CHCHD3: variants seen among roughly 807,000 people sequenced by gnomAD.
CHCHD3 encodes coiled-coil-helix-coiled-coil-helix domain containing 3, also known as MICOS complex subunit MIC19.
A neutral mutation model predicts 38.2 loss-of-function variants in CHCHD3; 20 were observed. The ratio of observed to expected loss-of-function variants is 0.52; its 90% CI spans 0.37 to 0.76. The LOEUF is 0.76. Ranked by LOEUF, CHCHD3 falls within the 30% of genes least tolerant of loss-of-function variation. The probability of loss-of-function intolerance (pLI) is 0.00; values close to 1 mark genes in which losing one functional copy is unlikely to be tolerated. For missense variants in CHCHD3, 245 were observed against 279.2 expected, an observed-to-expected ratio of 0.88 and a Z score of 0.87; for synonymous variants, 82 against 100.0, an observed-to-expected ratio of 0.82 and a Z score of 1.07.
chr7:132,967,720 C>T (rs866569730), intron 4 of CHCHD3, among the ~76,000 whole-genome samples: 14 of 151,430 alleles, frequency 9.2e-5, no homozygotes, highest in Middle Eastern at 3.2e-3. Flanking sequence ...GTCCCAGCTA[C>T]TCAGGAGGTT....
chr7:132,883,487 C>T (rs553670654), intron 5 of CHCHD3, among the ~76,000 whole-genome samples: 1 of 152,182 alleles, frequency 6.6e-6, no homozygotes, highest in South Asian at 2.1e-4. Context: ...GAGTTCTGCC[C>T]ACTACAACGA....
intron 4 of CHCHD3, among the ~76,000 whole-genome samples, chr7:132,897,435 T>G (rs1314831913): frequency 6.6e-6 from 1 of 152,216 alleles, no homozygotes; most frequent in Admixed American, 6.5e-5. Flanking sequence ...CCTCTTTTCT[T>G]GCAATCTGTT....
intron 4 of CHCHD3, among the ~76,000 whole-genome samples, chr7:132,892,529 T>C (rs996507266): frequency 6.6e-6 from 1 of 152,232 alleles, no homozygotes; most frequent in Admixed American, 6.5e-5. Flanking sequence ...CTGCAAAGAT[T>C]TGTAAGATTA....
At chr7:133,049,572 C>T (rs1728051404) in intron 2 of CHCHD3, among the ~76,000 whole-genome samples, 2 of 152,218 alleles carry the variant, frequency 1.3e-5, no homozygotes. Context: ...TTGAGGGCAA[C>T]AAGCCTTACT....
intron 4 of CHCHD3, among the ~76,000 whole-genome samples, chr7:132,967,506 T>C (rs1284755644): frequency 6.6e-6 from 1 of 152,034 alleles, no homozygotes; most frequent in African/African-American, 2.4e-5. Flanking sequence ...CCTAGGTATT[T>C]CTGGCCGGGT....
chr7:132,904,099 A>AT (rs1226348964), intron 4 of CHCHD3, among the ~76,000 whole-genome samples: 1 of 151,992 alleles, frequency 6.6e-6, no homozygotes, highest in Non-Finnish European at 1.5e-5. Flanking sequence ...TCTACAAAAG[A>AT]TTTAAAAAAA....
At chr7:132,988,354 T>A (rs979161150) in intron 3 of CHCHD3, among the ~76,000 whole-genome samples, 2 of 151,896 alleles carry the variant, frequency 1.3e-5, no homozygotes, top group Non-Finnish European at 2.9e-5. Flanking sequence ...ATAAGTGGCA[T>A]GGGGGTAGAA....
intron 4 of CHCHD3, among the ~76,000 whole-genome samples, chr7:132,899,129 G>A (rs1257011124): frequency 1.3e-5 from 2 of 152,232 alleles, no homozygotes; most frequent in Admixed American, 1.3e-4. Context: ...CGCCGAGAGC[G>A]AGCGAGGGCT....
At chr7:132,823,236 C>T (rs1189157660) in intron 6 of CHCHD3, among the ~76,000 whole-genome samples, 1 of 151,936 alleles carries the variant, frequency 6.6e-6, no homozygotes, top group Non-Finnish European at 1.5e-5. Context: ...AGAAAAAAAT[C>T]TAATACATTA....
At chr7:133,008,545 C>T (rs886064350) in intron 3 of CHCHD3, among the ~76,000 whole-genome samples, 3 of 151,896 alleles carry the variant, frequency 2.0e-5, no homozygotes, top group African/African-American at 7.3e-5. Context: ...ACCTTCATAA[C>T]ATCTCAAAGT....
At chr7:132,793,620 C>T (rs1001390337) in intron 7 of CHCHD3, among the ~76,000 whole-genome samples, 2 of 152,120 alleles carry the variant, frequency 1.3e-5, no homozygotes, top group African/African-American at 4.8e-5. Context: ...ATTTTCCTAA[C>T]AGTAAAACCT....
chr7:133,025,401 C>G (rs1278771711), intron 2 of CHCHD3, among the ~76,000 whole-genome samples: 1 of 152,236 alleles, frequency 6.6e-6, no homozygotes, highest in Non-Finnish European at 1.5e-5. Flanking sequence ...ACTAACTCCT[C>G]TTCACTACAG....
chr7:132,857,973 G>A (rs1808384866), intron 5 of CHCHD3, among the ~76,000 whole-genome samples: 1 of 152,216 alleles, frequency 6.6e-6, no homozygotes, highest in Admixed American at 6.5e-5. Context: ...TCCACAAGAA[G>A]AACTGGCACA....
rs144352619 is a variant in CHCHD3 at position 132,918,362 on chromosome 7, C to T, written c.370-32617G>A. ...TAACCATCGGACCCTCCTCAATGGG[C>T]TGCTGGGAGAATTAAATAAGAGAGT... On this transcript the variant is annotated intron_variant, in intron 4 of 7. Coordinates refer to ENST00000262570, the MANE Select transcript of CHCHD3 (RefSeq NM_017812.4). Among the ~76,000 whole-genome samples, 10 of 152,254 alleles carry T rather than the reference C, an allele frequency of 6.6e-5. No individual in the cohort carries two copies. In the East Asian group the frequency reaches 1.9e-3, roughly 29 times the overall value.
At chr7:132,965,804 C>A (rs1214841239) in intron 4 of CHCHD3, among the ~76,000 whole-genome samples, 1 of 152,066 alleles carries the variant, frequency 6.6e-6, no homozygotes, top group East Asian at 1.9e-4. Flanking sequence ...ATATTAAAAA[C>A]AAATCTGGAA....
chr7:132,846,420 GA>G (rs1353334471), intron 5 of CHCHD3, among the ~76,000 whole-genome samples: 1 of 152,244 alleles, frequency 6.6e-6, no homozygotes, highest in Non-Finnish European at 1.5e-5. Flanking sequence ...GCAGAATCAG[GA>G]TGTGAGTAAA....
At chr7:133,009,740 C>A (rs1812809636) in intron 3 of CHCHD3, among the ~76,000 whole-genome samples, 1 of 152,128 alleles carries the variant, frequency 6.6e-6, no homozygotes, top group African/African-American at 2.4e-5. Context: ...ACAGACAAGG[C>A]TTAAAGACTT....
chr7:133,003,991 C>T (rs576360616), intron 3 of CHCHD3, among the ~76,000 whole-genome samples: 10 of 150,852 alleles, frequency 6.6e-5, no homozygotes, highest in African/African-American at 2.4e-4. Flanking sequence ...GAGTTTTGCT[C>T]TTGTCACCCA....
chr7:132,938,995 C>T (rs1429804007), intron 4 of CHCHD3, among the ~76,000 whole-genome samples: 1 of 152,110 alleles, frequency 6.6e-6, no homozygotes, highest in African/African-American at 2.4e-5. Flanking sequence ...GGAGGGAAAA[C>T]AATAACCGAA....
Sources: allele counts gnomAD v4.1 joint callset (sites outside exome capture counted in the v4.1 genomes callset), GRCh38; gene constraint gnomAD v4.1.1; transcripts MANE v1.5; gene names NCBI Gene and HGNC (gene_info 2026-07-23, HGNC 2026-07-21).